Variants in PIWIL1 observed in about 807,000 individuals in gnomAD.
PIWIL1 encodes the protein piwi like RNA-mediated gene silencing 1.
Under a neutral mutation model 114.4 loss-of-function variants are expected in PIWIL1, and 73 were observed. That is an observed-to-expected ratio of 0.64 (90% confidence interval 0.53 to 0.78). PIWIL1 has a LOEUF of 0.78. PIWIL1 is among the 30% of genes least tolerant of loss of function. The pLI is 0.00. For missense variants in PIWIL1, 723 were observed against 1,063.1 expected (o/e 0.68, Z 4.45); for synonymous variants, 375 against 369.0 (o/e 1.02, Z -0.19).
chr12:130,339,796 G>C (rs1217372521), intron 1 of PIWIL1: 2 of 152,122 alleles, frequency 1.3e-5, no homozygotes, highest in Admixed American at 6.5e-5. Context: ...CTTCTAACTC[G>C]GGAGGGCTGA....
At chr12:130,425,772 G>A in the PIWIL1 span, 2 of 152,404 alleles carry the variant, frequency 1.3e-5, no homozygotes, top group African/African-American at 4.8e-5. Context: ...GCGTGCCCCT[G>A]GGTCCTGGCC....
chr12:130,387,931 T>C, the PIWIL1 span, among the ~76,000 whole-genome samples: 1 of 152,252 alleles, frequency 6.6e-6, no homozygotes, highest in South Asian at 2.1e-4. Context: ...TTTAAAACTT[T>C]TGCTCTAACC....
At chr12:130,401,230 C>T in the PIWIL1 span, among the ~76,000 whole-genome samples, 1 of 152,128 alleles carries the variant, frequency 6.6e-6, no homozygotes, top group African/African-American at 2.4e-5. Flanking sequence ...ATTCTCCCAC[C>T]TCAGCCTCCC....
At chr12:130,389,055 A>G in the PIWIL1 span, among the ~76,000 whole-genome samples, 1 of 152,084 alleles carries the variant, frequency 6.6e-6, no homozygotes, top group African/African-American at 2.4e-5. Flanking sequence ...TTCTATATCT[A>G]TTGAGATGAT....
At chr12:130,361,811 CAT>C (rs1315216732) in intron 16 of PIWIL1, among the ~76,000 whole-genome samples, 1 of 152,054 alleles carries the variant, frequency 6.6e-6, no homozygotes, top group Non-Finnish European at 1.5e-5. Flanking sequence ...TTTTTTTAAT[CAT>C]ATGTATTGGC....
At chr12:130,341,022 T>C (rs1431337945) in intron 1 of PIWIL1, among the ~76,000 whole-genome samples, 1 of 152,170 alleles carries the variant, frequency 6.6e-6, no homozygotes, top group Non-Finnish European at 1.5e-5. Flanking sequence ...TCTGTGAAGA[T>C]CATGAAGCCA....
downstream of PIWIL1, chr12:130,372,741 T>G (rs1484689168): frequency 6.6e-6 from 1 of 151,544 alleles, no homozygotes; most frequent in Non-Finnish European, 1.5e-5. Context: ...TATCCACAGC[T>G]TATAAGGAAG....
Position 130,368,487 on chromosome 12 carries a change from T to A in PIWIL1, c.2321+1229T>A, listed in dbSNP as rs2073731418. On this transcript the variant is annotated intron_variant, in intron 19 of 20. Transcript: ENST00000245255. The stretch of plus-strand genomic sequence containing the variant: ...TATTTTGAAATACATTATCTTGGAT[T>A]TCTGTCTTTTTCTCAGACAGATGTT... Among the ~76,000 whole-genome samples the A allele has an allele frequency of 3.3e-5, 5 of 152,180 alleles. No homozygotes were observed. The South Asian group carries it at 1.0e-3, about 32-fold the overall frequency.
intron 9 of PIWIL1, among the ~76,000 whole-genome samples, chr12:130,353,851 G>A (rs972672525): frequency 6.6e-6 from 1 of 151,872 alleles, no homozygotes; most frequent in Non-Finnish European, 1.5e-5. Flanking sequence ...ACCTGAACCC[G>A]GGAGGCGGAG....
rs1225500017 is a variant in PIWIL1, at chr12:130,354,906, G to A, written c.1190G>A (p.Arg397His). 8 of 1,611,800 alleles carry A rather than the reference G, an allele frequency of 5.0e-6. No individual in the cohort carries two copies. The highest frequency in any genetic ancestry group is 1.7e-4 in the Middle Eastern group (1 of 6,056). Residue 397 changes from arginine (R) to histidine (H), a missense_variant, in exon 11 of 21, where the codon CGT becomes CAT. By Grantham distance (29) the Arg-to-His change is conservative. Around this residue, in one of 8 missense-constraint regions of PIWIL1, gnomAD observed 298 missense variants for 420.8 expected, o/e 0.71. Transcript: ENST00000245255. ...TTTAAAGGTCTAACTGATAAAATGC[G>A]TAATGATTTTAACGTGATGAAAGAC... Reference protein sequence around the residue: ...CYLTGLTDKMRNDFNVMKDLA... With the variant: ...CYLTGLTDKMHNDFNVMKDLA...
downstream of PIWIL1, among the ~76,000 whole-genome samples, chr12:130,375,345 G>GT (rs1478485010): frequency 1.3e-5 from 2 of 152,166 alleles, no homozygotes. Context: ...GTCAATACAT[G>GT]TATGTCTAGC....
chr12:130,342,416 G>A, intron 1 of PIWIL1, 164 bp from the exon 2 acceptor site: 1 of 614,132 alleles, frequency 1.6e-6, no homozygotes, highest in East Asian at 2.7e-5. Context: ...TTGAATGTAG[G>A]AATGTTACAT....
chr12:130,424,804 G>A, the PIWIL1 span: 1 of 1,232,750 alleles, frequency 8.1e-7, no homozygotes, highest in Non-Finnish European at 1.0e-6. The surrounding 1 kb of genome is among the most constrained non-coding windows in gnomAD (Gnocchi z 9.8). Context: ...GGCTGGTGGG[G>A]AAACTCGGGC....
chr12:130,407,410 T>G, the PIWIL1 span, among the ~76,000 whole-genome samples: 1 of 152,210 alleles, frequency 6.6e-6, no homozygotes, highest in Non-Finnish European at 1.5e-5. Context: ...GGCTTTTATT[T>G]CTCTCCTAAA....
At chr12:130,407,744 C>A in the PIWIL1 span, 1 of 1,613,896 alleles carries the variant, frequency 6.2e-7, no homozygotes, top group South Asian at 1.1e-5. Context: ...CGACGTTGGG[C>A]GAGCTTTCTC....
chr12:130,412,785 A>C, the PIWIL1 span: 1 of 1,609,734 alleles, frequency 6.2e-7, no homozygotes, highest in Admixed American at 1.7e-5. Flanking sequence ...TATCACCATA[A>C]ACCTAGAGCC....
At chr12:130,409,547 T>C in the PIWIL1 span, among the ~76,000 whole-genome samples, 11 of 152,092 alleles carry the variant, frequency 7.2e-5, 1 homozygote, top group East Asian at 2.1e-3. Flanking sequence ...GGTTTCACCG[T>C]GTTAGCCAGG....
chr12:130,398,001 T>C, the PIWIL1 span: 2 of 152,872 alleles, frequency 1.3e-5, no homozygotes, highest in South Asian at 4.2e-4. Context: ...CCTGGGGTGG[T>C]TGGTATACTA....
At chr12:130,411,488 C>A in the PIWIL1 span, among the ~76,000 whole-genome samples, 10 of 152,114 alleles carry the variant, frequency 6.6e-5, no homozygotes, top group Non-Finnish European at 1.2e-4. Context: ...TCTGGCAATG[C>A]GGCAGGGGGC....
Sources: gnomAD v4.1 joint callset for allele counts (sites outside exome capture counted in the v4.1 genomes callset) on GRCh38, gnomAD v4.1.1 for gene constraint, gnomAD v4.1.1 regional missense constraint, Gnocchi (gnomAD v3.1) non-coding constraint, MANE v1.5 for transcripts, NCBI Gene and HGNC (gene_info 2026-07-23, HGNC 2026-07-21) for gene names.